SPOPL: variants seen among roughly 807,000 people sequenced by gnomAD.
SPOPL encodes speckle type BTB/POZ protein like.
SPOPL carries 23 observed loss-of-function variants against 53.8 expected under a neutral mutation model. The ratio of observed to expected loss-of-function variants is 0.43; its 90% CI spans 0.31 to 0.61. The LOEUF (loss-of-function observed/expected upper bound fraction) is 0.61, where lower values mean the gene tolerates loss of function less well. Among genes scored for constraint, SPOPL ranks in the 20% least tolerant of loss-of-function variants. SPOPL has a pLI of 0.12. For synonymous variants in SPOPL, 164 were observed against 149.7 expected (o/e 1.10, Z -0.70); for missense variants, 442 against 466.9 (o/e 0.95, Z 0.49).
intron 10 of SPOPL, 68 bp from the exon 11 acceptor site, chr2:138,568,868 A>G: frequency 6.5e-7 from 1 of 1,527,072 alleles, no homozygotes; most frequent in East Asian, 2.3e-5. Flanking sequence ...GTTTTTAAGA[A>G]ATTAACAGTG....
chr2:138,547,496 C>A (rs886084773), intron 1 of SPOPL, among the ~76,000 whole-genome samples: 4 of 151,684 alleles, frequency 2.6e-5, no homozygotes, highest in African/African-American at 7.3e-5. Flanking sequence ...TTAATGTTTT[C>A]TTTGATTTCT....
chr2:138,567,824 GA>G (rs1279643288), intron 10 of SPOPL, among the ~76,000 whole-genome samples: 1 of 152,176 alleles, frequency 6.6e-6, no homozygotes, highest in Non-Finnish European at 1.5e-5. Context: ...ATATTATTTG[GA>G]TGGTAGATGG....
At chr2:138,508,649 C>G (rs1684264487) in intron 1 of SPOPL, among the ~76,000 whole-genome samples, 1 of 152,096 alleles carries the variant, frequency 6.6e-6, no homozygotes. Flanking sequence ...TTTAAAAACA[C>G]AGTAAATGAA....
At position 138,550,248 on chromosome 2, in the gene SPOPL, G is replaced by A. The variant is rs1421820696; in HGVS notation, c.32G>A (p.Gly11Glu). 10 of 1,613,450 alleles carry A rather than the reference G, an allele frequency of 6.2e-6. No individual in the cohort carries two copies. The highest frequency in any genetic ancestry group is 1.6e-4 in the Middle Eastern group (1 of 6,078). Residue 11 changes from glycine to glutamate, a missense_variant, in exon 2 of 11, where the codon GGA becomes GAA. Transcript: ENST00000280098. MSREPTPPLP[G>E]DMSTGPIAES... ...CGGGAACCCACCCCACCTCTACCTG[G>A]AGATATGTCTACTGGTCCCATAGCA...
intron 8 of SPOPL, chr2:138,564,280 T>C (rs1225922305): frequency 1.8e-5 from 3 of 165,886 alleles, no homozygotes; most frequent in Admixed American, 5.9e-5. Context: ...TTATATAACA[T>C]ACACTAATAC....
Position 138,569,990 on chromosome 2 carries a change from G to A in SPOPL, c.*910G>A, listed in dbSNP as rs1685747141. 6.6e-6 allele frequency: 1 copy of A among 152,482 alleles called. No homozygotes were observed. The highest frequency in any genetic ancestry group is 2.1e-4 in the South Asian group (1 of 4,816). The allele number at this position is 152,482 out of a possible 1,614,324, so 9.4% of individuals were successfully genotyped here. A position where few individuals can be genotyped will look rare whatever the true frequency, so the allele number is the denominator to read the frequency against. On this transcript the variant is annotated 3_prime_UTR_variant, in exon 11 of 11. Transcript: ENST00000280098. ...TTTTGCTTTTGAGGGAATTAATAAG[G>A]TATAATTAATTGTGTCTTAACTTTT...
Position 138,563,658 on chromosome 2 carries a change from G to A in SPOPL, c.838-1050G>A, listed in dbSNP as rs552163136. 4.6e-5 allele frequency among the ~76,000 whole-genome samples: 7 copies of A among 152,310 alleles called. No individual in the cohort carries two copies. In the South Asian group the frequency reaches 8.3e-4, roughly 18 times the overall value. ...AAGACACGGAAAAATTAGGGCTCTC[G>A]TGTGCTGTTGATGGAAATGTAAAAT... On this transcript the variant is annotated intron_variant, in intron 8 of 10. Transcript: ENST00000280098.
intron 1 of SPOPL, among the ~76,000 whole-genome samples, chr2:138,505,172 T>C (rs1684187881): frequency 6.6e-6 from 1 of 152,174 alleles, no homozygotes; most frequent in African/African-American, 2.4e-5. Flanking sequence ...AAATTTAAGC[T>C]TCACAGCAGA....
At chr2:138,549,895 T>C (rs1685276998) in intron 1 of SPOPL, among the ~76,000 whole-genome samples, 1 of 152,104 alleles carries the variant, frequency 6.6e-6, no homozygotes. Context: ...AACTATATGT[T>C]ATTTTAAAAT....
intron 1 of SPOPL, among the ~76,000 whole-genome samples, 176 bp downstream of exon 1, chr2:138,502,295 C>T (rs1684119086): frequency 6.6e-6 from 1 of 152,116 alleles, no homozygotes; most frequent in South Asian, 2.1e-4. Flanking sequence ...GACTACCTCC[C>T]ACGCCCCCGG....
intron 1 of SPOPL, among the ~76,000 whole-genome samples, chr2:138,539,184 A>G (rs1406622049): frequency 6.6e-6 from 1 of 152,268 alleles, no homozygotes; most frequent in Non-Finnish European, 1.5e-5. Flanking sequence ...AGTCTTTGCT[A>G]TTGTGAATAG....
intron 10 of SPOPL, among the ~76,000 whole-genome samples, chr2:138,566,074 A>C (rs1685653774): frequency 6.6e-6 from 1 of 152,168 alleles, no homozygotes; most frequent in South Asian, 2.1e-4. Context: ...TTGTTGACTT[A>C]ATTATTTCCC....
chr2:138,541,753 C>T (rs1212248054), intron 1 of SPOPL, among the ~76,000 whole-genome samples: 1 of 152,118 alleles, frequency 6.6e-6, no homozygotes, highest in African/African-American at 2.4e-5. Context: ...CTGCTCTGAT[C>T]TTAGATATTT....
intron 1 of SPOPL, among the ~76,000 whole-genome samples, chr2:138,525,578 G>A (rs992969756): frequency 5.3e-5 from 8 of 150,592 alleles, no homozygotes; most frequent in African/African-American, 2.0e-4. Flanking sequence ...AGCACTTTGT[G>A]AGCCAGGATG....
At chr2:138,546,962 T>A (rs144529512) in intron 1 of SPOPL, among the ~76,000 whole-genome samples, 10 of 152,284 alleles carry the variant, frequency 6.6e-5, no homozygotes, top group Non-Finnish European at 1.3e-4. Context: ...TGCTTTTATT[T>A]TTTTTATTTT....
At chr2:138,532,677 C>T (rs1684839435) in intron 1 of SPOPL, among the ~76,000 whole-genome samples, 2 of 148,982 alleles carry the variant, frequency 1.3e-5, no homozygotes, top group Non-Finnish European at 1.5e-5. Flanking sequence ...CTCCTGACCT[C>T]GTGATCTGCC....
chr2:138,526,811 C>G (rs1368976710), intron 1 of SPOPL, among the ~76,000 whole-genome samples: 1 of 151,430 alleles, frequency 6.6e-6, no homozygotes, highest in African/African-American at 2.4e-5. Context: ...ACTGCAACCT[C>G]CACCTCCTGG....
Position 138,572,045 on chromosome 2 carries a change from ATACC to A in SPOPL, c.*2967_*2970del, listed in dbSNP as rs1377962529. The A allele has an allele frequency of 1.3e-5, 2 of 152,318 alleles. No homozygotes were observed. The highest frequency in any genetic ancestry group is 4.8e-5 in the African/African-American group (2 of 41,368). 9.4% of individuals were successfully genotyped at this position (152,318 alleles called of 1,614,324 possible). ...CGTGTGTGTCTGTGTGTTTGTGTAC[ATACC>A]TGTATTTGCTTGGGGCTTGTGTGTG... On this transcript the variant is annotated 3_prime_UTR_variant, in exon 11 of 11. Coordinates refer to ENST00000280098, the MANE Select transcript of SPOPL (RefSeq NM_001001664.3).
At chr2:138,549,575 G>A (rs372370175) in intron 1 of SPOPL, among the ~76,000 whole-genome samples, 3 of 151,988 alleles carry the variant, frequency 2.0e-5, no homozygotes, top group East Asian at 1.9e-4. Context: ...AGTACGTCTC[G>A]GCAAGAAGCA....
Sources: gnomAD v4.1 joint callset for allele counts (sites outside exome capture counted in the v4.1 genomes callset) on GRCh38, gnomAD v4.1.1 for gene constraint, MANE v1.5 for transcripts, NCBI Gene and HGNC (gene_info 2026-07-23, HGNC 2026-07-21) for gene names.